GLT1D1: variants seen among roughly 807,000 people sequenced by gnomAD.
The protein encoded by GLT1D1 is glycosyltransferase 1 domain containing 1, also known as glycosyltransferase 1 domain-containing protein 1.
A neutral mutation model predicts 28.7 loss-of-function variants in GLT1D1; 21 were observed. That is an observed-to-expected ratio of 0.73 (90% CI 0.52 to 1.05). GLT1D1 has a LOEUF of 1.05. Ranked by LOEUF, GLT1D1 falls within the 50% of genes least tolerant of loss-of-function variation. The probability of loss-of-function intolerance (pLI) is 0.00; values close to 1 mark genes in which losing one functional copy is unlikely to be tolerated. For missense variants in GLT1D1, 343 were observed against 330.6 expected (o/e 1.04, Z -0.29); for synonymous variants, 147 against 124.8 (o/e 1.18, Z -1.19).
intron 4 of GLT1D1, among the ~76,000 whole-genome samples, chr12:128,942,749 GTTTTTTGTTTTTT>G (rs1875475047): frequency 1.3e-5 from 1 of 78,006 alleles, no homozygotes; most frequent in South Asian, 6.2e-4. Context: ...GTTTGTTTTT[GTTTTTTGTTTTTT>G]TTTTTTGAGA....
In GLT1D1 at chr12:128,945,824, G is replaced by A. The variant is rs139721407; in HGVS notation, c.419+455G>A. On this transcript the variant is annotated intron_variant, in intron 5 of 7. Coordinates refer to ENST00000281703, the MANE Select transcript of GLT1D1 (RefSeq NM_144669.3). ...AACGGAGGCTTCCCTGAGACCTCAG[G>A]GATTTGGCTCCTGTCTCTGTCCTGA... Among the ~76,000 whole-genome samples, 817 of 152,310 alleles carry A rather than the reference G, an allele frequency of 5.4e-3. 3 individuals carry two copies. The highest frequency in any genetic ancestry group is 8.5e-3 in the Admixed American group (130 of 15,294).
chr12:128,927,999 C>CAAAAAAAAAAAA (rs938188484), intron 4 of GLT1D1, among the ~76,000 whole-genome samples: 19 of 42,250 alleles, frequency 4.5e-4, no homozygotes, highest in Non-Finnish European at 7.0e-4. Context: ...GACTCTGTCT[C>CAAAAAAAAAAAA]AAAAAAAAAA....
intron 7 of GLT1D1, among the ~76,000 whole-genome samples, chr12:128,966,111 G>A (rs564904205): frequency 1.4e-4 from 21 of 152,320 alleles, no homozygotes; most frequent in Middle Eastern, 3.4e-3. Context: ...AAAACCTTAC[G>A]TTTCTCTTTC....
Position 128,957,596 on chromosome 12 carries a change from G to A in GLT1D1, c.592G>A (p.Ala198Thr). ...GGCCAGGAACATCCCCGGGAATGCT[G>A]CCGTGGTGAAGCATGAAGTCACAGG... is the stretch of plus-strand genomic sequence containing the variant. The change falls in exon 7 of 8, where the codon GCC (alanine) becomes ACC (threonine). Residue 198 changes from alanine to threonine, a missense_variant. Coordinates refer to ENST00000281703, the MANE Select transcript of GLT1D1 (RefSeq NM_144669.3). 6.2e-7 allele frequency: 1 copy of A among 1,613,972 alleles called. No individual in the cohort carries two copies. Among genetic ancestry groups the A allele is most frequent in the Non-Finnish European group, 8.5e-7 (1 of 1,179,862 alleles).
intron 6 of GLT1D1, among the ~76,000 whole-genome samples, chr12:128,952,467 TTC>T (rs1288968569): frequency 2.2e-5 from 3 of 138,158 alleles, no homozygotes; most frequent in African/African-American, 8.4e-5. Flanking sequence ...GGAAATTTCT[TTC>T]TTTTTTTTTT....
intron 3 of GLT1D1, among the ~76,000 whole-genome samples, chr12:128,893,625 G>A (rs955308164): frequency 3.3e-5 from 5 of 151,708 alleles, no homozygotes; most frequent in East Asian, 1.9e-4. Context: ...TTACTCTGTC[G>A]CCCAGGCTGG....
At chr12:128,930,096 A>C (rs1873704131) in intron 4 of GLT1D1, 1 of 152,290 alleles carries the variant, frequency 6.6e-6, no homozygotes, top group Non-Finnish European at 1.5e-5. Context: ...ACATATATGC[A>C]TGCACACACA....
intron 2 of GLT1D1, among the ~76,000 whole-genome samples, chr12:128,877,848 C>G (rs1956910475): frequency 6.6e-6 from 1 of 152,174 alleles, no homozygotes; most frequent in Non-Finnish European, 1.5e-5. Flanking sequence ...CTCAGGGTTT[C>G]CCATGAGGCT....
At chr12:128,902,134 A>G (rs918802144) in intron 4 of GLT1D1, among the ~76,000 whole-genome samples, 4 of 151,682 alleles carry the variant, frequency 2.6e-5, no homozygotes, top group African/African-American at 9.7e-5. Flanking sequence ...AATCAAGTAC[A>G]GATGAAAGAT....
At chr12:128,879,387 T>TTTCCTTCCTTCC in intron 2 of GLT1D1, among the ~76,000 whole-genome samples, 1 of 46,130 alleles carries the variant, frequency 2.2e-5, no homozygotes, top group African/African-American at 9.6e-5. Flanking sequence ...TTTTTCTTTC[T>TTTCCTTCCTTCC]TTCTTTCTTT....
chr12:128,975,985 G>A (rs944367883), intron 7 of GLT1D1, among the ~76,000 whole-genome samples: 7 of 152,140 alleles, frequency 4.6e-5, no homozygotes, highest in African/African-American at 7.2e-5. Context: ...GCTGGCAGTC[G>A]GGGTGATGAC....
At position 128,853,547 on chromosome 12, in the gene GLT1D1, C is replaced by T. The variant is rs901156844; in HGVS notation, c.-35C>T. The T allele has an allele frequency of 3.8e-6, 4 of 1,045,448 alleles. No individual in the cohort carries two copies. Among genetic ancestry groups the T allele is most frequent in the Non-Finnish European group, 3.4e-6 (3 of 873,724 alleles). The allele number at this position is 1,045,448 out of a possible 1,614,324, so 64.8% of individuals were successfully genotyped here. A position where few individuals can be genotyped will look rare whatever the true frequency, so the allele number is the denominator to read the frequency against. On this transcript the variant is annotated 5_prime_UTR_variant, in exon 1 of 8. Coordinates refer to ENST00000281703, the MANE Select transcript of GLT1D1 (RefSeq NM_144669.3). ...GGCCCCGGGGCCTGGTCGGCGGCGGCGGGGCCGGTCGATGGCCCGGGCGGC... is the reference window on the plus strand; with the variant it reads ...GGCCCCGGGGCCTGGTCGGCGGCGGTGGGGCCGGTCGATGGCCCGGGCGGC...
chr12:128,944,394 A>G (rs1467482768), intron 4 of GLT1D1: 1 of 1,126,516 alleles, frequency 8.9e-7, no homozygotes, highest in Middle Eastern at 3.0e-4. Context: ...TTTTTCTGGT[A>G]ATAGTCCAGG....
chr12:128,976,191 A>G (rs1879745242), intron 7 of GLT1D1, among the ~76,000 whole-genome samples: 2 of 152,338 alleles, frequency 1.3e-5, no homozygotes, highest in African/African-American at 4.8e-5. Flanking sequence ...CCCATGACCA[A>G]ATAATTTTTG....
At chr12:128,892,711 C>A (rs1483423903) in intron 3 of GLT1D1, among the ~76,000 whole-genome samples, 6 of 151,940 alleles carry the variant, frequency 3.9e-5, no homozygotes, top group African/African-American at 1.5e-4. Context: ...CATTTTTAAT[C>A]AAATGTTTTT....
At chr12:128,912,665 T>TA (rs1451260450) in intron 4 of GLT1D1, among the ~76,000 whole-genome samples, 1 of 147,838 alleles carries the variant, frequency 6.8e-6, no homozygotes, top group Non-Finnish European at 1.5e-5. Context: ...AATGGCTACT[T>TA]TTTTTTTTCT....
Position 128,947,471 on chromosome 12 carries a change from C to T in GLT1D1, c.540+13C>T. 6.2e-7 allele frequency: 1 copy of T among 1,613,956 alleles called. No homozygotes were observed. The highest frequency in any genetic ancestry group is 8.5e-7 in the Non-Finnish European group (1 of 1,179,870). ...TGCAATTTTGGAGGTAATTATGTAA[C>T]TCGAGTACTGAAAGTGGGAGTGTGA... On this transcript the variant is annotated intron_variant, in intron 6 of 7. Transcript: ENST00000281703.
chr12:128,867,825 C>G (rs968567254), intron 1 of GLT1D1, among the ~76,000 whole-genome samples: 6 of 152,100 alleles, frequency 3.9e-5, no homozygotes, highest in African/African-American at 1.4e-4. Context: ...GAGAAAAGCT[C>G]GGAGGGACTG....
At chr12:128,873,033 G>C (rs10082779) in intron 1 of GLT1D1, among the ~76,000 whole-genome samples, 4,137 of 152,104 alleles carry the variant, frequency 0.027, 179 homozygotes, top group African/African-American at 0.093. Context: ...CAGCTGGGAT[G>C]ACGGGTGCAT....
Sources: allele counts gnomAD v4.1 joint callset (sites outside exome capture counted in the v4.1 genomes callset), GRCh38; gene constraint gnomAD v4.1.1; transcripts MANE v1.5; gene names NCBI Gene and HGNC (gene_info 2026-07-23, HGNC 2026-07-21).